The following ARL5A variants were observed in gnomAD, a reference collection of about 807,000 sequenced individuals.
ARL5A encodes ADP-ribosylation factor-like protein 5A.
Under a neutral mutation model 25.9 loss-of-function variants are expected in ARL5A, and 18 were observed. The ratio of observed to expected loss-of-function variants is 0.69; its 90% CI spans 0.48 to 1.03. The LOEUF (loss-of-function observed/expected upper bound fraction) is 1.03, where lower values mean the gene tolerates loss of function less well. Among genes scored for constraint, ARL5A ranks in the 50% least tolerant of loss-of-function variants. ARL5A has a pLI of 0.00. For synonymous variants in ARL5A, 61 were observed against 67.5 expected, an observed-to-expected ratio of 0.90 and a Z score of 0.47; for missense variants, 170 against 211.9, an observed-to-expected ratio of 0.80 and a Z score of 1.23.
At chr2:151,815,531 A>G (rs1490211483) in intron 1 of ARL5A, among the ~76,000 whole-genome samples, 1 of 152,242 alleles carries the variant, frequency 6.6e-6, no homozygotes. Context: ...CAAATGACTT[A>G]AAGTATAAAT....
In ARL5A at chr2:151,815,074, C is replaced by T. The variant is rs1303081582; in HGVS notation, c.107+65G>A. 1.1e-5 allele frequency: 13 copies of T among 1,216,614 alleles called. No individual in the cohort carries two copies. In the East Asian group the frequency reaches 1.3e-4, roughly 12 times the overall value. 75.4% of individuals were successfully genotyped at this position (1,216,614 alleles called of 1,614,324 possible). A position where few individuals can be genotyped will look rare whatever the true frequency, so the allele number is the denominator to read the frequency against. On this transcript the variant is annotated intron_variant, in intron 2 of 5. Coordinates refer to ENST00000295087, the MANE Select transcript of ARL5A (RefSeq NM_012097.4). ...GTAATTTCTTACTGCATTCATTGAT[C>T]GACTATCACCCAGGCCAAAAAAGTA... is the stretch of plus-strand genomic sequence containing the variant.
At chr2:151,815,688 G>A (rs1351527825) in intron 1 of ARL5A, among the ~76,000 whole-genome samples, 2 of 152,010 alleles carry the variant, frequency 1.3e-5, no homozygotes, top group Non-Finnish European at 2.9e-5. Flanking sequence ...AAAACCACAG[G>A]GCCACTGTAA....
intron 2 of ARL5A, 101 bp from the exon 3 acceptor site, chr2:151,814,417 T>G: frequency 1.1e-6 from 1 of 914,032 alleles, no homozygotes; most frequent in Non-Finnish European, 1.6e-6. Flanking sequence ...CTTTTATAAT[T>G]TATACCTAAA....
intron 1 of ARL5A, among the ~76,000 whole-genome samples, chr2:151,818,930 G>A (rs181631855): frequency 3.2e-4 from 49 of 151,628 alleles, no homozygotes; most frequent in African/African-American, 1.0e-3. Flanking sequence ...TCCCGCCCCC[G>A]CCTCCACCCC....
rs2099829583 is a variant in ARL5A at position 151,802,651 on chromosome 2, T to C, written c.*625A>G. The C allele has an allele frequency of 2.0e-5, 3 of 152,480 alleles. No homozygotes were observed. The South Asian group carries it at 6.2e-4, about 32-fold the overall frequency. The allele number at this position is 152,480 out of a possible 1,614,324, so 9.4% of individuals were successfully genotyped here. A position where few individuals can be genotyped will look rare whatever the true frequency, so the allele number is the denominator to read the frequency against. ...CAGCTCAGCGATTTGGGAGGTTGGTTAGTACAATACAGAGAACACAGAGAG... is the reference window on the plus strand; with the variant it reads ...CAGCTCAGCGATTTGGGAGGTTGGTCAGTACAATACAGAGAACACAGAGAG... On this transcript the variant is annotated 3_prime_UTR_variant, in exon 6 of 6. Transcript: ENST00000295087.
chr2:151,815,037 CTT>C, intron 2 of ARL5A, 100 bp downstream of exon 2: 1 of 871,732 alleles, frequency 1.1e-6, no homozygotes, highest in Admixed American at 2.5e-5. Context: ...TACAGGGTAA[CTT>C]AGGTTTCATG....
chr2:151,825,974 T>A (rs902144106), intron 1 of ARL5A, among the ~76,000 whole-genome samples: 3 of 152,068 alleles, frequency 2.0e-5, no homozygotes, highest in Middle Eastern at 6.8e-3. Context: ...AATACAAAAA[T>A]TAGCTGGGTG....
chr2:151,812,402 CCTCT>C lies in ARL5A; in HGVS notation c.290_293del (p.Glu97GlyfsTer4), dbSNP rs769912014. On this transcript the variant is annotated frameshift_variant, in exon 4 of 6. Transcript: ENST00000295087. LOFTEE classifies it high-confidence loss of function. ...AGAGTTCTTCTCTAGTTACAGAAAT[CCTCT>C]CTCTGTCTGTACTGTCCACAACAAC... 1.1e-5 allele frequency: 17 copies of C among 1,606,350 alleles called. No individual in the cohort carries two copies. Among genetic ancestry groups the C allele is most frequent in the Admixed American group, 1.7e-5 (1 of 58,320 alleles).
Position 151,828,031 on chromosome 2 carries a change from G to T in ARL5A, c.46+100C>A, listed in dbSNP as rs528129911. 9 of 1,350,692 alleles carry T rather than the reference G, an allele frequency of 6.7e-6. No homozygotes were observed. In the African/African-American group the frequency reaches 7.4e-5, roughly 11 times the overall value. 83.7% of individuals were successfully genotyped at this position (1,350,692 alleles called of 1,614,324 possible). A position where few individuals can be genotyped will look rare whatever the true frequency, so the allele number is the denominator to read the frequency against. On this transcript the variant is annotated intron_variant, in intron 1 of 5. Coordinates refer to ENST00000295087, the MANE Select transcript of ARL5A (RefSeq NM_012097.4). ...TGCACCCCGCGCTGAGCTGGCGCCCGACCGAGCCGCCCACATTCCGAAGTA... is the reference window on the plus strand; with the variant it reads ...TGCACCCCGCGCTGAGCTGGCGCCCTACCGAGCCGCCCACATTCCGAAGTA...
chr2:151,824,503 T>TAATAATAATAAC (rs534560146), intron 1 of ARL5A, among the ~76,000 whole-genome samples: 30 of 152,052 alleles, frequency 2.0e-4, no homozygotes, highest in African/African-American at 6.8e-4. Flanking sequence ...ATAATAATAA[T>TAATAATAATAAC]AACAACAATA....
At chr2:151,814,586 T>A (rs1391885292) in intron 2 of ARL5A, among the ~76,000 whole-genome samples, 1 of 151,724 alleles carries the variant, frequency 6.6e-6, no homozygotes, top group African/African-American at 2.4e-5. Flanking sequence ...CAGGCCGGAG[T>A]GTAGTGGTGT....
rs371327730 is a variant in ARL5A, at chr2:151,828,113, G to A, written c.46+18C>T. ...GACCCTCTCCCCAACCCGTACGCCC[G>A]CGGACCGAGCTCCTCACCCTGGTGA... On this transcript the variant is annotated intron_variant, in intron 1 of 5. Transcript: ENST00000295087. 2 of 1,607,516 alleles carry A rather than the reference G, an allele frequency of 1.2e-6. No homozygotes were observed. Among genetic ancestry groups the A allele is most frequent in the Non-Finnish European group, 1.7e-6 (2 of 1,176,880 alleles).
chr2:151,805,507 C>T (rs566095600), intron 5 of ARL5A, among the ~76,000 whole-genome samples: 1 of 152,284 alleles, frequency 6.6e-6, no homozygotes, highest in South Asian at 2.1e-4. Context: ...AATCATGCAT[C>T]ATTTAATGAC....
chr2:151,819,413 T>C (rs1426801593), intron 1 of ARL5A, among the ~76,000 whole-genome samples: 1 of 152,226 alleles, frequency 6.6e-6, no homozygotes, highest in Non-Finnish European at 1.5e-5. Context: ...ATGAGCCACC[T>C]CGTATCATCT....
At chr2:151,823,615 G>C (rs1174425398) in intron 1 of ARL5A, among the ~76,000 whole-genome samples, 3 of 152,116 alleles carry the variant, frequency 2.0e-5, no homozygotes, top group Non-Finnish European at 4.4e-5. Flanking sequence ...CTATCCCTAG[G>C]GTTGAGATAA....
At chr2:151,821,789 C>CTTTTTT (rs34042323) in intron 1 of ARL5A, among the ~76,000 whole-genome samples, 3 of 90,126 alleles carry the variant, frequency 3.3e-5, no homozygotes, top group Non-Finnish European at 7.2e-5. Flanking sequence ...TTTTTTTTTT[C>CTTTTTT]TTTTTTTTTT....
At chr2:151,825,824 A>G (rs1247846521) in intron 1 of ARL5A, among the ~76,000 whole-genome samples, 2 of 110,468 alleles carry the variant, frequency 1.8e-5, no homozygotes, top group Non-Finnish European at 3.9e-5. Flanking sequence ...TCCTATACAG[A>G]AAAAAAAAAA....
At chr2:151,809,403 G>C (rs935688685) in intron 4 of ARL5A, among the ~76,000 whole-genome samples, 1 of 152,108 alleles carries the variant, frequency 6.6e-6, no homozygotes, top group Non-Finnish European at 1.5e-5. Context: ...AGTTTTTCTA[G>C]ATCTAAAAGG....
chr2:151,812,908 T>C (rs1182431398), intron 3 of ARL5A, among the ~76,000 whole-genome samples: 1 of 152,116 alleles, frequency 6.6e-6, no homozygotes, highest in Admixed American at 6.5e-5. Context: ...ACTGAAAGAA[T>C]AAATCTCTAT....
Sources: gnomAD v4.1 joint callset for allele counts (sites outside exome capture counted in the v4.1 genomes callset) on GRCh38, gnomAD v4.1.1 for gene constraint, MANE v1.5 for transcripts, NCBI Gene and HGNC (gene_info 2026-07-23, HGNC 2026-07-21) for gene names.